The following ARHGAP6 variants were observed in gnomAD, a reference collection of about 807,000 sequenced individuals.
ARHGAP6 encodes the protein rho GTPase-activating protein 6.
Under a neutral mutation model 55.7 loss-of-function variants are expected in ARHGAP6, and 16 were observed. The observed-to-expected ratio is 0.29, with a 90% CI of 0.19 to 0.44. ARHGAP6 has a LOEUF of 0.44. Among genes scored for constraint, ARHGAP6 ranks in the 20% least tolerant of loss-of-function variants. The probability of loss-of-function intolerance (pLI) is 1.00; values close to 1 mark genes in which losing one functional copy is unlikely to be tolerated. For missense variants in ARHGAP6, 698 were observed against 808.9 expected (o/e 0.86, Z 1.66); for synonymous variants, 382 against 360.9 (o/e 1.06, Z -0.66).
rs189384358 is a variant in ARHGAP6, at chrX:11,483,704, T to C, written c.588+180537A>G. 8.2e-3 allele frequency among the ~76,000 whole-genome samples: 912 copies of C among 111,130 alleles called. 1 individual carries two copies. Among genetic ancestry groups the C allele is most frequent in the Middle Eastern group, 0.028 (6 of 217 alleles). ...TGCTGATTACTCTTCTGCTTACCAA[T>C]GAAAATATCCTGAGATGAAAGGCAA... On this transcript the variant is annotated intron_variant, in intron 1 of 12. Coordinates refer to ENST00000337414, the MANE Select transcript of ARHGAP6 (RefSeq NM_013427.3).
At chrX:11,221,176 G>A (rs1827304486) in intron 2 of ARHGAP6, among the ~76,000 whole-genome samples, 1 of 112,026 alleles carries the variant, frequency 8.9e-6, no homozygotes, top group Non-Finnish European at 1.9e-5. Context: ...TTCTCCTTCA[G>A]TTCTGCTCTG....
chrX:11,287,708 C>T (rs748123982), intron 1 of ARHGAP6, among the ~76,000 whole-genome samples: 10 of 112,257 alleles, frequency 8.9e-5, no homozygotes, highest in African/African-American at 1.9e-4. Context: ...TGCCCATTCC[C>T]GTTTCTCTTT....
chrX:11,322,653 C>T (rs2048448431), intron 1 of ARHGAP6, among the ~76,000 whole-genome samples: 2 of 112,260 alleles, frequency 1.8e-5, no homozygotes, highest in South Asian at 7.4e-4. Flanking sequence ...CTTATTTGAT[C>T]AATTGATGTG....
intron 2 of ARHGAP6, among the ~76,000 whole-genome samples, chrX:11,240,410 C>T (rs1466881677): frequency 8.9e-6 from 1 of 111,934 alleles, no homozygotes; most frequent in Admixed American, 9.4e-5. Context: ...CAATGCAATG[C>T]TCTGGTTTAA....
chrX:11,606,327 A>G (rs1421284833), intron 1 of ARHGAP6, among the ~76,000 whole-genome samples: 1 of 111,684 alleles, frequency 9.0e-6, no homozygotes, highest in Non-Finnish European at 1.9e-5. Context: ...ACTCCTTGTA[A>G]TGGTTCTCCA....
intron 1 of ARHGAP6, among the ~76,000 whole-genome samples, chrX:11,369,855 A>G: frequency 8.9e-6 from 1 of 112,385 alleles, no homozygotes. Flanking sequence ...GGTAATGAGC[A>G]GAGATATATT....
At position 11,411,183 on chromosome X, in the gene ARHGAP6, TTATATATA is replaced by T. The variant is rs201875323; in HGVS notation, c.589-156484_589-156477del. On this transcript the variant is annotated intron_variant, in intron 1 of 12. Coordinates refer to ENST00000337414, the MANE Select transcript of ARHGAP6 (RefSeq NM_013427.3). ...GGCCTGTGTCACTGGCAGACATTAT[TTATATATA>T]TATATATATATATATATATATATAT... 3.8e-3 allele frequency among the ~76,000 whole-genome samples: 121 copies of T among 31,791 alleles called. 3 individuals are homozygous for T. The highest frequency in any genetic ancestry group is 0.021 in the South Asian group (9 of 426). The allele number at this position is 31,791 out of a possible 115,157, so 27.6% of individuals were successfully genotyped here. A position where few individuals can be genotyped will look rare whatever the true frequency, so the allele number is the denominator to read the frequency against.
chrX:11,489,885 T>C (rs762239924), intron 1 of ARHGAP6, among the ~76,000 whole-genome samples: 13 of 111,008 alleles, frequency 1.2e-4, no homozygotes, highest in Non-Finnish European at 2.3e-4. Flanking sequence ...ATGCATTCTG[T>C]GAAGGTGTTG....
intron 1 of ARHGAP6, among the ~76,000 whole-genome samples, chrX:11,389,206 G>A (rs1375047085): frequency 8.9e-6 from 1 of 111,883 alleles, no homozygotes; most frequent in African/African-American, 3.2e-5. Context: ...ATATCAATGT[G>A]CTGAGGCAGA....
At chrX:11,634,498 G>A (rs1380498906) in intron 1 of ARHGAP6, among the ~76,000 whole-genome samples, 1 of 111,427 alleles carries the variant, frequency 9.0e-6, no homozygotes, top group Non-Finnish European at 1.9e-5. Context: ...AATAAGATAT[G>A]TAGTCATTGT....
chrX:11,589,323 C>T (rs968169480), intron 1 of ARHGAP6, among the ~76,000 whole-genome samples: 29 of 108,874 alleles, frequency 2.7e-4, no homozygotes, highest in Non-Finnish European at 4.6e-4. Flanking sequence ...ATTACAGGCA[C>T]GAGCCACCGC....
chrX:11,203,316 G>A (rs1473810302), intron 2 of ARHGAP6, among the ~76,000 whole-genome samples: 1 of 111,946 alleles, frequency 8.9e-6, no homozygotes, highest in Non-Finnish European at 1.9e-5. Flanking sequence ...GATATTGCAA[G>A]GATTTCACAG....
intron 9 of ARHGAP6, 77 bp downstream of exon 9, chrX:11,169,428 A>C: frequency 9.9e-7 from 1 of 1,006,963 alleles, no homozygotes; most frequent in Non-Finnish European, 1.3e-6. Flanking sequence ...AGGGTGGTCT[A>C]CTAGAATTTC....
At chrX:11,273,354 T>C (rs2047714803) in intron 1 of ARHGAP6, among the ~76,000 whole-genome samples, 1 of 109,654 alleles carries the variant, frequency 9.1e-6, no homozygotes, top group African/African-American at 3.3e-5. Context: ...CACCAGTTAA[T>C]ATTAATAGGA....
In ARHGAP6 at chrX:11,647,223, T is replaced by C. The variant is rs752708981; in HGVS notation, c.588+17018A>G. ...GAAAACAGCACACACTGCTAATATT[T>C]TGGTAGATTTGTGTGTTTATTCTAG... On this transcript the variant is annotated intron_variant, in intron 1 of 12. Transcript: ENST00000337414. Among the ~76,000 whole-genome samples, 12 of 112,216 alleles carry C rather than the reference T, an allele frequency of 1.1e-4. No individual in the cohort carries two copies. In the East Asian group the frequency reaches 3.1e-3, roughly 29 times the overall value.
At chrX:11,176,834 C>G (rs1441054269) in intron 8 of ARHGAP6, among the ~76,000 whole-genome samples, 1 of 111,870 alleles carries the variant, frequency 8.9e-6, no homozygotes, top group Non-Finnish European at 1.9e-5. Flanking sequence ...AAACCTGAAG[C>G]CATCTGGGGC....
chrX:11,154,757 T>C (rs898047756), intron 10 of ARHGAP6, among the ~76,000 whole-genome samples: 1 of 112,369 alleles, frequency 8.9e-6, no homozygotes, highest in Non-Finnish European at 1.9e-5. Context: ...AGAAAAGCCA[T>C]TTGTTAATAT....
intron 1 of ARHGAP6, among the ~76,000 whole-genome samples, chrX:11,553,547 C>T (rs1240504698): frequency 8.9e-6 from 1 of 111,762 alleles, no homozygotes; most frequent in Non-Finnish European, 1.9e-5. Flanking sequence ...CTGGCCAGAA[C>T]GTTTTAAATA....
chrX:11,346,757 G>GAA (rs1569308853), intron 1 of ARHGAP6, among the ~76,000 whole-genome samples: 1 of 46,862 alleles, frequency 2.1e-5, no homozygotes, highest in African/African-American at 8.1e-5. Context: ...GAAAGAAAGA[G>GAA]AGAAAGAAAA....
Sources: allele counts gnomAD v4.1 joint callset (sites outside exome capture counted in the v4.1 genomes callset), GRCh38; gene constraint gnomAD v4.1.1; transcripts MANE v1.5; gene names NCBI Gene and HGNC (gene_info 2026-07-23, HGNC 2026-07-21).